PCDH9: variants seen among roughly 807,000 people sequenced by gnomAD.
The protein encoded by PCDH9 is protocadherin-9.
A neutral mutation model predicts 70.6 loss-of-function variants in PCDH9; 24 were observed. That is an observed-to-expected ratio of 0.34 (90% CI 0.25 to 0.48). The LOEUF (loss-of-function observed/expected upper bound fraction) is 0.48, where lower values mean the gene tolerates loss of function less well. Among genes scored for constraint, PCDH9 ranks in the 20% least tolerant of loss-of-function variants. PCDH9 has a pLI of 0.99. For synonymous variants in PCDH9, 562 were observed against 558.5 expected (o/e 1.01, Z -0.09); for missense variants, 1,281 against 1,503.6 (o/e 0.85, Z 2.45).
At position 67,171,026 on chromosome 13, in the gene PCDH9, A is replaced by G. The variant is rs1208573234; in HGVS notation, c.3036+54379T>C. ...GGTCATCCTATCCCTGGAGCTGTCA[A>G]AGGGTGATGTCATAAAGTTTGGCAA... On this transcript the variant is annotated intron_variant, in intron 2 of 4. Transcript: ENST00000377865. 3.3e-5 allele frequency among the ~76,000 whole-genome samples: 5 copies of G among 152,162 alleles called. 1 individual carries two copies. The highest frequency in any genetic ancestry group is 6.5e-5 in the Admixed American group (1 of 15,274).
chr13:67,113,545 C>A (rs969734507), intron 2 of PCDH9, among the ~76,000 whole-genome samples: 5 of 151,996 alleles, frequency 3.3e-5, no homozygotes, highest in Non-Finnish European at 7.4e-5. Flanking sequence ...TTATTCATTG[C>A]CAAATCATGT....
At position 66,570,750 on chromosome 13, in the gene PCDH9, G is replaced by A. The variant is rs75052395; in HGVS notation, c.3340+60460C>T. Among the ~76,000 whole-genome samples, 1,299 of 152,236 alleles carry A rather than the reference G, an allele frequency of 8.5e-3. 10 individuals carry two copies. Among genetic ancestry groups the A allele is most frequent in the Non-Finnish European group, 0.014 (923 of 67,966 alleles). On this transcript the variant is annotated intron_variant, in intron 4 of 4. Transcript: ENST00000377865. Reference sequence around the variant, plus strand: ...AATAGATTTTGAATACAGGATTGTAGAGGTTGAAGACAACAGAATCCAAAT... The same window carrying A: ...AATAGATTTTGAATACAGGATTGTAAAGGTTGAAGACAACAGAATCCAAAT...
intron 4 of PCDH9, among the ~76,000 whole-genome samples, chr13:66,345,520 T>G (rs1165113721): frequency 6.6e-6 from 1 of 152,112 alleles, no homozygotes; most frequent in East Asian, 1.9e-4. Context: ...GCCAATCTCC[T>G]GAACATTCAA....
chr13:66,345,308 G>C (rs972792755), intron 4 of PCDH9, among the ~76,000 whole-genome samples: 2 of 152,150 alleles, frequency 1.3e-5, no homozygotes, highest in African/African-American at 4.8e-5. Context: ...ATCAGCAGAA[G>C]TACCAGAGCA....
intron 4 of PCDH9, among the ~76,000 whole-genome samples, chr13:66,422,613 CA>C (rs1471549755): frequency 3.3e-5 from 5 of 152,144 alleles, no homozygotes; most frequent in African/African-American, 1.2e-4. Context: ...CCAATGAGAA[CA>C]AAGACACAAT....
intron 2 of PCDH9, chr13:67,201,299 G>C (rs1031854480): frequency 9.9e-5 from 15 of 152,014 alleles, no homozygotes; most frequent in African/African-American, 3.6e-4. Context: ...ACAAAATATA[G>C]CCAAAAATGG....
chr13:67,153,804 A>T (rs1314686620), intron 2 of PCDH9, among the ~76,000 whole-genome samples: 1 of 152,224 alleles, frequency 6.6e-6, no homozygotes, highest in Non-Finnish European at 1.5e-5. Context: ...GAAATAATAC[A>T]TTTACAGTCT....
At chr13:67,138,656 G>T (rs1018956821) in intron 2 of PCDH9, among the ~76,000 whole-genome samples, 4 of 152,152 alleles carry the variant, frequency 2.6e-5, no homozygotes, top group African/African-American at 9.7e-5. Flanking sequence ...GGCCTTTTGA[G>T]CTCCTATGCT....
intron 2 of PCDH9, among the ~76,000 whole-genome samples, chr13:66,917,934 G>A (rs2082581810): frequency 6.6e-6 from 1 of 151,218 alleles, no homozygotes; most frequent in African/African-American, 2.4e-5. Context: ...AGGTACATTA[G>A]GAAAATGATA....
chr13:66,895,181 G>T (rs373197594), intron 3 of PCDH9, among the ~76,000 whole-genome samples: 18 of 152,192 alleles, frequency 1.2e-4, no homozygotes, highest in African/African-American at 4.3e-4. Flanking sequence ...TTTATAATAC[G>T]AACTGTTTAT....
At chr13:66,406,479 G>A (rs1284261468) in intron 4 of PCDH9, among the ~76,000 whole-genome samples, 3 of 152,084 alleles carry the variant, frequency 2.0e-5, no homozygotes, top group African/African-American at 7.2e-5. Context: ...TTCCCATTAA[G>A]GTTTGACTTA....
chr13:66,895,371 G>T (rs2082160540), intron 3 of PCDH9, among the ~76,000 whole-genome samples: 1 of 152,076 alleles, frequency 6.6e-6, no homozygotes, highest in African/African-American at 2.4e-5. Flanking sequence ...TTCTAAAAAG[G>T]AATAGTAACT....
chr13:66,489,804 T>C lies in PCDH9; in HGVS notation c.3340+141406A>G, dbSNP rs577528147. On this transcript the variant is annotated intron_variant, in intron 4 of 4. Transcript: ENST00000377865. ...CACATACATTCTTAGCAGCTTAAAA[T>C]ATAATCAGTTTCTGTTATGATAAGA... Among the ~76,000 whole-genome samples the C allele has an allele frequency of 3.9e-5, 6 of 152,284 alleles. No homozygotes were observed. The South Asian group carries it at 1.0e-3, about 26-fold the overall frequency.
intron 4 of PCDH9, among the ~76,000 whole-genome samples, chr13:66,606,428 T>G (rs2138858483): frequency 6.6e-6 from 1 of 152,214 alleles, no homozygotes; most frequent in Non-Finnish European, 1.5e-5. Context: ...ATAAGTGCTT[T>G]GGAAAATACG....
intron 3 of PCDH9, among the ~76,000 whole-genome samples, chr13:66,804,210 T>C (rs2080375082): frequency 6.6e-6 from 1 of 152,218 alleles, no homozygotes; most frequent in African/African-American, 2.4e-5. Context: ...CATTGTGTTT[T>C]GGACAAACAC....
At chr13:66,646,324 G>T (rs1377847287) in intron 3 of PCDH9, among the ~76,000 whole-genome samples, 1 of 152,050 alleles carries the variant, frequency 6.6e-6, no homozygotes, top group Non-Finnish European at 1.5e-5. Context: ...TAATATAGCT[G>T]GGATTTTCAC....
chr13:66,623,902 C>G (rs2077465977), intron 4 of PCDH9, among the ~76,000 whole-genome samples: 1 of 152,130 alleles, frequency 6.6e-6, no homozygotes, highest in Non-Finnish European at 1.5e-5. Context: ...CCATAAATGT[C>G]AGGTATTAAA....
intron 4 of PCDH9, among the ~76,000 whole-genome samples, chr13:66,387,056 A>G (rs1203225660): frequency 6.6e-6 from 1 of 152,220 alleles, no homozygotes; most frequent in Non-Finnish European, 1.5e-5. Context: ...TTACTCTTCT[A>G]CACTCTAAGG....
intron 3 of PCDH9, among the ~76,000 whole-genome samples, chr13:66,718,483 GA>G (rs1033789971): frequency 1.1e-4 from 16 of 151,664 alleles, no homozygotes; most frequent in African/African-American, 3.9e-4. Context: ...CCATGCTGCT[GA>G]AAAAAAATGA....
Sources: gnomAD v4.1 joint callset for allele counts (sites outside exome capture counted in the v4.1 genomes callset) on GRCh38, gnomAD v4.1.1 for gene constraint, MANE v1.5 for transcripts, NCBI Gene and HGNC (gene_info 2026-07-23, HGNC 2026-07-21) for gene names.